The following ROBO2 variants were observed in gnomAD, a reference collection of about 807,000 sequenced individuals.
The protein encoded by ROBO2 is roundabout guidance receptor 2.
A neutral mutation model predicts 160.8 loss-of-function variants in ROBO2; 53 were observed. That is an observed-to-expected ratio of 0.33 (90% CI 0.26 to 0.41). ROBO2 has a LOEUF of 0.41. Among genes scored for constraint, ROBO2 ranks in the 10% least tolerant of loss-of-function variants. The pLI, the probability that ROBO2 is intolerant of heterozygous loss-of-function variation, is 1.00. For synonymous variants in ROBO2, 664 were observed against 611.7 expected, an observed-to-expected ratio of 1.09 and a Z score of -1.26; for missense variants, 1,577 against 1,722.4, an observed-to-expected ratio of 0.92 and a Z score of 1.49.
intron 2 of ROBO2, among the ~76,000 whole-genome samples, chr3:76,869,024 A>AT (rs903256192): frequency 6.6e-5 from 10 of 152,036 alleles, no homozygotes; most frequent in South Asian, 2.1e-4. Flanking sequence ...CATTCTGTGC[A>AT]TTTTTTTTCT....
chr3:76,684,801 A>C (rs2092648840), intron 2 of ROBO2, among the ~76,000 whole-genome samples: 1 of 152,122 alleles, frequency 6.6e-6, no homozygotes, highest in Admixed American at 6.5e-5. Context: ...AACTTTTGTC[A>C]CTTTTAATCA....
At chr3:76,837,247 A>G (rs1317500342) in intron 2 of ROBO2, among the ~76,000 whole-genome samples, 6 of 151,932 alleles carry the variant, frequency 3.9e-5, no homozygotes. Context: ...TAGGTAGCAC[A>G]AACACTTTAG....
chr3:76,518,939 C>A (rs1409443156), intron 2 of ROBO2, among the ~76,000 whole-genome samples: 1 of 152,092 alleles, frequency 6.6e-6, no homozygotes, highest in African/African-American at 2.4e-5. Flanking sequence ...CGTACAAACT[C>A]ATCATAATAC....
At chr3:77,234,580 T>G (rs560215063) in intron 2 of ROBO2, among the ~76,000 whole-genome samples, 2 of 152,166 alleles carry the variant, frequency 1.3e-5, no homozygotes, top group Non-Finnish European at 2.9e-5. Context: ...GAAAGGGACA[T>G]TTATCCCCCA....
intron 2 of ROBO2, among the ~76,000 whole-genome samples, chr3:76,882,610 C>T (rs909002357): frequency 2.0e-5 from 3 of 151,942 alleles, no homozygotes; most frequent in Admixed American, 6.6e-5. Flanking sequence ...AAAAATACTC[C>T]CAAGTAACTA....
At chr3:76,902,991 C>A (rs2075337539) in intron 2 of ROBO2, among the ~76,000 whole-genome samples, 1 of 151,704 alleles carries the variant, frequency 6.6e-6, no homozygotes, top group Admixed American at 6.6e-5. Context: ...TAGATTTCAT[C>A]TTATTTATGT....
chr3:75,969,586 A>G (rs2064930929), intron 2 of ROBO2, among the ~76,000 whole-genome samples: 1 of 151,504 alleles, frequency 6.6e-6, no homozygotes, highest in South Asian at 2.1e-4. Flanking sequence ...TCTCTTTTTT[A>G]TATAATAACC....
At chr3:76,094,224 TAATC>T (rs1232445791) in intron 2 of ROBO2, among the ~76,000 whole-genome samples, 2 of 152,046 alleles carry the variant, frequency 1.3e-5, no homozygotes, top group African/African-American at 4.8e-5. Context: ...TTTCTCAAAA[TAATC>T]AATTCTGTGT....
intron 2 of ROBO2, among the ~76,000 whole-genome samples, chr3:77,256,773 G>A (rs889072192): frequency 3.9e-5 from 6 of 152,168 alleles, no homozygotes; most frequent in Non-Finnish European, 8.8e-5. Context: ...AACAAACTCT[G>A]GCAGTGTCTG....
At chr3:76,473,588 A>G (rs2078780843) in intron 2 of ROBO2, among the ~76,000 whole-genome samples, 2 of 152,202 alleles carry the variant, frequency 1.3e-5, no homozygotes, top group Admixed American at 1.3e-4. Context: ...AAATATATTC[A>G]CGTAAAACTT....
chr3:77,622,400 C>T, exon 23 of ROBO2: 4 of 1,614,038 alleles, frequency 2.5e-6, no homozygotes, highest in Non-Finnish European at 2.5e-6. Flanking sequence ...ACTCCTGGAT[C>T]CAGCATGGAC....
intron 2 of ROBO2, among the ~76,000 whole-genome samples, chr3:76,413,598 G>A (rs193122072): frequency 1.4e-4 from 22 of 152,066 alleles, no homozygotes; most frequent in African/African-American, 5.3e-4. Flanking sequence ...CTGTCTCTTT[G>A]CTAAAACGTA....
intron 2 of ROBO2, among the ~76,000 whole-genome samples, chr3:77,333,416 T>C (rs998520180): frequency 6.6e-6 from 1 of 152,214 alleles, no homozygotes; most frequent in African/African-American, 2.4e-5. Flanking sequence ...TTAGATTGAT[T>C]AGAACAGAAT....
intron 2 of ROBO2, among the ~76,000 whole-genome samples, chr3:77,233,600 AT>A (rs2087522806): frequency 6.6e-6 from 1 of 152,298 alleles, no homozygotes; most frequent in South Asian, 2.1e-4. Flanking sequence ...TTTTAGTATA[AT>A]ACTAGTATAA....
At chr3:77,426,787 ATCATTTACTAATTTGCTT>A (rs1485584027) in intron 2 of ROBO2, among the ~76,000 whole-genome samples, 15 of 152,136 alleles carry the variant, frequency 9.9e-5, no homozygotes, top group Admixed American at 7.9e-4. Flanking sequence ...ACACATTGAA[ATCATTTACTAATTTGCTT>A]TCATTTACTA....
chr3:76,388,377 T>C (rs1384745469), intron 2 of ROBO2, among the ~76,000 whole-genome samples: 1 of 151,932 alleles, frequency 6.6e-6, no homozygotes, highest in East Asian at 1.9e-4. Context: ...GTTCACGCCA[T>C]TCTCCTGCCT....
At chr3:76,580,342 G>GTTTTTTTTTTTTGTTTTTTTTTTTTGTTT (rs71101901) in intron 2 of ROBO2, among the ~76,000 whole-genome samples, 1 of 90,562 alleles carries the variant, frequency 1.1e-5, no homozygotes, top group African/African-American at 4.4e-5. Flanking sequence ...TTTTTTTTGT[G>GTTTTTTTTTTTTGTTTTTTTTTTTTGTTT]TTTTTTTTTT....
chr3:76,131,687 C>T (rs1205593676), intron 2 of ROBO2, among the ~76,000 whole-genome samples: 1 of 152,118 alleles, frequency 6.6e-6, no homozygotes, highest in Non-Finnish European at 1.5e-5. Flanking sequence ...TTACTAAACA[C>T]TGCAACACAG....
At chr3:76,580,341 T>TG (rs2085602317) in intron 2 of ROBO2, among the ~76,000 whole-genome samples, 26 of 45,478 alleles carry the variant, frequency 5.7e-4, no homozygotes, top group African/African-American at 1.3e-3. Context: ...TTTTTTTTTG[T>TG]GTTTTTTTTT....
Sources: allele counts gnomAD v4.1 joint callset (sites outside exome capture counted in the v4.1 genomes callset), GRCh38; gene constraint gnomAD v4.1.1; transcripts MANE v1.5; gene names NCBI Gene and HGNC (gene_info 2026-07-23, HGNC 2026-07-21).